FSTL5: variants seen among roughly 807,000 people sequenced by gnomAD.
FSTL5 encodes follistatin like 5.
In FSTL5, 62 loss-of-function variants were observed where a neutral mutation model predicts 89.1. The ratio of observed to expected loss-of-function variants is 0.70; its 90% CI spans 0.57 to 0.86. FSTL5 has a LOEUF of 0.86. FSTL5 is among the 40% of genes least tolerant of loss of function. FSTL5 has a pLI of 0.00. For synonymous variants in FSTL5, 383 were observed against 346.2 expected (o/e 1.11, Z -1.18); for missense variants, 1,057 against 1,001.6 (o/e 1.06, Z -0.75).
intron 12 of FSTL5, among the ~76,000 whole-genome samples, chr4:161,482,358 A>G (rs1729542107): frequency 6.6e-6 from 1 of 152,104 alleles, no homozygotes. Context: ...TTTACATAAT[A>G]ATAATGTAAT....
chr4:161,432,426 C>T (rs1732408745), intron 15 of FSTL5, among the ~76,000 whole-genome samples: 1 of 151,872 alleles, frequency 6.6e-6, no homozygotes, highest in Admixed American at 6.6e-5. Flanking sequence ...GAAAACACAA[C>T]ATACCTAAAT....
chr4:161,735,023 C>T (rs1739761815), intron 6 of FSTL5, among the ~76,000 whole-genome samples: 1 of 152,268 alleles, frequency 6.6e-6, no homozygotes, highest in African/African-American at 2.4e-5. Flanking sequence ...GCTCATTCCC[C>T]AAGACTGGCC....
chr4:161,823,222 C>T (rs1490720207), intron 4 of FSTL5, among the ~76,000 whole-genome samples: 2 of 152,146 alleles, frequency 1.3e-5, no homozygotes, highest in African/African-American at 2.4e-5. Flanking sequence ...GCTTGAAGGT[C>T]CTGTTTCACC....
intron 3 of FSTL5, among the ~76,000 whole-genome samples, chr4:161,995,024 C>A (rs1736247728): frequency 6.6e-6 from 1 of 152,070 alleles, no homozygotes; most frequent in Non-Finnish European, 1.5e-5. Context: ...TTAGGTTTTA[C>A]ATTTAAGTCT....
At chr4:161,863,550 A>G (rs1731982891) in intron 4 of FSTL5, among the ~76,000 whole-genome samples, 1 of 152,190 alleles carries the variant, frequency 6.6e-6, no homozygotes, top group South Asian at 2.1e-4. Context: ...GGCAAAGAAA[A>G]GAGAATATCT....
At chr4:161,808,950 T>C (rs1223601519) in intron 4 of FSTL5, among the ~76,000 whole-genome samples, 1 of 152,134 alleles carries the variant, frequency 6.6e-6, no homozygotes, top group Non-Finnish European at 1.5e-5. Context: ...CGGGTGCGGT[T>C]GCTCACTCCT....
intron 15 of FSTL5, among the ~76,000 whole-genome samples, chr4:161,404,460 G>A (rs561677793): frequency 1.1e-4 from 16 of 152,278 alleles, no homozygotes; most frequent in African/African-American, 3.8e-4. Context: ...CATGTAAACA[G>A]GAAGTAAAGG....
intron 4 of FSTL5, among the ~76,000 whole-genome samples, chr4:161,883,009 G>C (rs1201779744): frequency 6.6e-6 from 1 of 152,126 alleles, no homozygotes; most frequent in African/African-American, 2.4e-5. Flanking sequence ...TTGATTTTCA[G>C]TGATCATTGC....
intron 6 of FSTL5, among the ~76,000 whole-genome samples, chr4:161,694,767 C>G (rs1397986416): frequency 6.7e-6 from 1 of 149,454 alleles, no homozygotes; most frequent in Non-Finnish European, 1.5e-5. Context: ...AGATTTTTCT[C>G]TATTCCCAGG....
At chr4:161,680,731 A>T (rs13111142) in intron 6 of FSTL5, among the ~76,000 whole-genome samples, 24,798 of 151,742 alleles carry the variant, frequency 0.16, 2,628 homozygotes, top group Middle Eastern at 0.31. Flanking sequence ...GCCCTTCTAA[A>T]TTTTCCCTGT....
chr4:161,802,885 T>C (rs1021815639), intron 4 of FSTL5, among the ~76,000 whole-genome samples: 2 of 151,868 alleles, frequency 1.3e-5, no homozygotes, highest in African/African-American at 4.8e-5. Context: ...CACTTGAAAA[T>C]AATTTCCAAA....
intron 10 of FSTL5, among the ~76,000 whole-genome samples, chr4:161,537,266 A>G (rs943730020): frequency 1.3e-5 from 2 of 152,164 alleles, no homozygotes; most frequent in African/African-American, 2.4e-5. Flanking sequence ...TAGAGGGTCC[A>G]ATAATGTCAG....
At chr4:161,757,468 A>T (rs916985295) in intron 6 of FSTL5, among the ~76,000 whole-genome samples, 1 of 152,042 alleles carries the variant, frequency 6.6e-6, no homozygotes, top group African/African-American at 2.4e-5. Context: ...TACACAAAAG[A>T]ATGCCCACTA....
At chr4:161,926,949 GA>G (rs1734144111) in intron 3 of FSTL5, among the ~76,000 whole-genome samples, 1 of 151,792 alleles carries the variant, frequency 6.6e-6, no homozygotes, top group African/African-American at 2.4e-5. Context: ...GGTAGATACA[GA>G]GACAGAAAGA....
intron 3 of FSTL5, among the ~76,000 whole-genome samples, chr4:161,950,851 C>T (rs1303764517): frequency 6.6e-6 from 1 of 151,932 alleles, no homozygotes; most frequent in East Asian, 1.9e-4. Flanking sequence ...GAGATGGGGG[C>T]CCTTCAGGAT....
At chr4:162,025,776 C>G (rs958255805) in intron 3 of FSTL5, among the ~76,000 whole-genome samples, 1 of 151,500 alleles carries the variant, frequency 6.6e-6, no homozygotes, top group Non-Finnish European at 1.5e-5. Flanking sequence ...AGATAAAACT[C>G]TAGTGTATCA....
At chr4:161,519,652 C>G (rs993674988) in intron 10 of FSTL5, among the ~76,000 whole-genome samples, 1 of 152,132 alleles carries the variant, frequency 6.6e-6, no homozygotes, top group Non-Finnish European at 1.5e-5. Flanking sequence ...ACATACTAAG[C>G]CCACCGCTGT....
chr4:162,045,311 C>T (rs1317828710), intron 2 of FSTL5, among the ~76,000 whole-genome samples: 4 of 151,962 alleles, frequency 2.6e-5, no homozygotes. Flanking sequence ...TGGTAACAGC[C>T]GGTCTGGCAG....
chr4:162,105,851 A>C (rs1731205434), intron 2 of FSTL5, among the ~76,000 whole-genome samples: 1 of 152,150 alleles, frequency 6.6e-6, no homozygotes, highest in Admixed American at 6.5e-5. Context: ...ACCTTTCTTG[A>C]ATATGCTGCC....
Sources: allele counts gnomAD v4.1 joint callset (sites outside exome capture counted in the v4.1 genomes callset), GRCh38; gene constraint gnomAD v4.1.1; transcripts MANE v1.5; gene names NCBI Gene and HGNC (gene_info 2026-07-23, HGNC 2026-07-21).